ASAP2: variants seen among roughly 807,000 people sequenced by gnomAD.
ASAP2 encodes ArfGAP with SH3 domain, ankyrin repeat and PH domain 2.
In ASAP2, 45 loss-of-function variants were observed where a neutral mutation model predicts 131.4. The observed-to-expected ratio is 0.34, with a 90% CI of 0.27 to 0.44. ASAP2 has a LOEUF of 0.44. Among genes scored for constraint, ASAP2 ranks in the 20% least tolerant of loss-of-function variants. The pLI, the probability that ASAP2 is intolerant of heterozygous loss-of-function variation, is 1.00. For synonymous variants in ASAP2, 510 were observed against 503.0 expected (o/e 1.01, Z -0.19); for missense variants, 1,011 against 1,297.0 (o/e 0.78, Z 3.39).
chr2:9,249,202 A>G (rs142607335), intron 1 of ASAP2, among the ~76,000 whole-genome samples: 2,145 of 152,268 alleles, frequency 0.014, 46 homozygotes, highest in African/African-American at 0.05. Flanking sequence ...TCAGACAGCA[A>G]TGGCCTCATG....
At chr2:9,247,180 C>T (rs898157131) in intron 1 of ASAP2, among the ~76,000 whole-genome samples, 2 of 152,184 alleles carry the variant, frequency 1.3e-5, no homozygotes, top group Non-Finnish European at 2.9e-5. Context: ...TTCTTCCTGA[C>T]AGCAGTCTGT....
chr2:9,264,321 C>G (rs1432575176), intron 1 of ASAP2, among the ~76,000 whole-genome samples: 3 of 152,186 alleles, frequency 2.0e-5, no homozygotes, highest in Non-Finnish European at 4.4e-5. Context: ...TTTGCTTCTG[C>G]AGGCATGTCT....
chr2:9,267,068 T>G lies in ASAP2; in HGVS notation c.127-12249T>G, dbSNP rs190541080. Among the ~76,000 whole-genome samples the G allele has an allele frequency of 3.9e-3, 587 of 152,342 alleles. 6 individuals are homozygous for G. Among genetic ancestry groups the G allele is most frequent in the African/African-American group, 0.013 (557 of 41,564 alleles). On this transcript the variant is annotated intron_variant, in intron 1 of 27. Coordinates refer to ENST00000281419, the MANE Select transcript of ASAP2 (RefSeq NM_003887.3). ...CTTTTCTTTAAAAGATGCTTTAATT[T>G]TACTTGTATTCTTAATAATATATCT...
intron 4 of ASAP2, among the ~76,000 whole-genome samples, chr2:9,319,467 C>T (rs145694494): frequency 7.2e-5 from 11 of 152,282 alleles, no homozygotes; most frequent in Admixed American, 3.3e-4. Flanking sequence ...AACAGGTCAG[C>T]GGAGTTAGCC....
intron 9 of ASAP2, 87 bp downstream of exon 9, chr2:9,335,266 A>C (rs898456115): frequency 3.5e-6 from 4 of 1,158,204 alleles, no homozygotes; most frequent in Non-Finnish European, 3.9e-6. Context: ...CATGTCTTCT[A>C]GGAGCTCACA....
rs546467589 is a variant in ASAP2, at chr2:9,265,819, C to G, written c.127-13498C>G. ...CGGAGTTTCACTCTTGTTGCCAAAG[C>G]TGGAGTGCAATGGCACGATCTTGAC... On this transcript the variant is annotated intron_variant, in intron 1 of 27. Transcript: ENST00000281419. Among the ~76,000 whole-genome samples, 61 of 152,300 alleles carry G rather than the reference C, an allele frequency of 4.0e-4. 1 individual carries two copies. The highest frequency in any genetic ancestry group is 2.5e-3 in the South Asian group (12 of 4,828).
At chr2:9,302,560 C>T (rs566069563) in intron 3 of ASAP2, among the ~76,000 whole-genome samples, 1 of 150,872 alleles carries the variant, frequency 6.6e-6, no homozygotes, top group African/African-American at 2.4e-5. Flanking sequence ...CTGCAGCCTC[C>T]GCCTCCCGGG....
At chr2:9,385,202 G>A (rs754311803) in intron 20 of ASAP2, 43 bp from the exon 21 acceptor site, 8 of 1,470,712 alleles carry the variant, frequency 5.4e-6, no homozygotes, top group Admixed American at 3.4e-5. Flanking sequence ...ATGCATGGCC[G>A]AGTGTATGAG....
intron 1 of ASAP2, among the ~76,000 whole-genome samples, chr2:9,260,924 G>A (rs771231424): frequency 1.3e-5 from 2 of 152,200 alleles, no homozygotes; most frequent in Non-Finnish European, 2.9e-5. Context: ...TCTGAAACAA[G>A]GAATTGGTTA....
chr2:9,335,935 C>T (rs2148568103), intron 9 of ASAP2: 1 of 152,090 alleles, frequency 6.6e-6, no homozygotes, highest in Middle Eastern at 3.4e-3. Flanking sequence ...CATAAAGTTC[C>T]CTGTTGGCAG....
At chr2:9,258,332 GTTGT>G (rs747413657) in intron 1 of ASAP2, among the ~76,000 whole-genome samples, 4 of 112,528 alleles carry the variant, frequency 3.6e-5, no homozygotes, top group African/African-American at 1.1e-4. Context: ...GTAATCAGTA[GTTGT>G]TTTTTTTTTT....
At chr2:9,248,213 G>A (rs1260408681) in intron 1 of ASAP2, among the ~76,000 whole-genome samples, 1 of 152,222 alleles carries the variant, frequency 6.6e-6, no homozygotes, top group African/African-American at 2.4e-5. Flanking sequence ...AACCACGGAG[G>A]CCACGCAGGC....
Position 9,296,770 on chromosome 2 carries a change from A to T in ASAP2, c.200-530A>T, listed in dbSNP as rs187971238. Among the ~76,000 whole-genome samples, 621 of 152,302 alleles carry T rather than the reference A, an allele frequency of 4.1e-3. 3 individuals are homozygous for T. The highest frequency in any genetic ancestry group is 0.014 in the African/African-American group (601 of 41,556). The stretch of plus-strand genomic sequence containing the variant: ...CCTGGAGGAAGCATGAGTCTGTAGG[A>T]TGCAGAGGAGTTTGGGAGGGAAGGG... On this transcript the variant is annotated intron_variant, in intron 2 of 27. Coordinates refer to ENST00000281419, the MANE Select transcript of ASAP2 (RefSeq NM_003887.3).
At chr2:9,360,363 A>G (rs952607636) in intron 15 of ASAP2, among the ~76,000 whole-genome samples, 1 of 152,200 alleles carries the variant, frequency 6.6e-6, no homozygotes, top group Non-Finnish European at 1.5e-5. Context: ...GCCTAGGGTT[A>G]TGAAGCTTTT....
In ASAP2 at chr2:9,401,365, T is replaced by C; in HGVS notation, c.2915T>C (p.Ile972Thr). Reference protein sequence around the residue: ...ELTFSEGDVIIVDGEEDQEWW... With the variant: ...ELTFSEGDVITVDGEEDQEWW... Reference sequence around the variant, plus strand: ...ACCTTCTCCGAGGGGGATGTGATCATCGTGGACGGGGAGGAGGACCAGGAG... The same window carrying C: ...ACCTTCTCCGAGGGGGATGTGATCACCGTGGACGGGGAGGAGGACCAGGAG... The change falls in exon 27 of 28, where the codon ATC (isoleucine) becomes ACC (threonine). Residue 972 changes from isoleucine to threonine, a missense_variant. By Grantham distance (89) the Ile-to-Thr change is moderately conservative (BLOSUM62 -1). Coordinates refer to ENST00000281419, the MANE Select transcript of ASAP2 (RefSeq NM_003887.3). 6.2e-7 allele frequency: 1 copy of C among 1,613,510 alleles called. No individual in the cohort carries two copies. Among genetic ancestry groups the C allele is most frequent in the African/African-American group, 1.3e-5 (1 of 75,006 alleles).
chr2:9,391,573 TTTC>T (rs1675723433), intron 23 of ASAP2, among the ~76,000 whole-genome samples: 1 of 149,934 alleles, frequency 6.7e-6, no homozygotes, highest in Admixed American at 6.6e-5. Flanking sequence ...TTCTTTTCTT[TTTC>T]TTTTTTTTTT....
At chr2:9,297,008 G>A (rs1353641241) in intron 2 of ASAP2, among the ~76,000 whole-genome samples, 1 of 152,178 alleles carries the variant, frequency 6.6e-6, no homozygotes, top group Non-Finnish European at 1.5e-5. Flanking sequence ...AAGAGTCCTC[G>A]GAGAGGTGGA....
intron 1 of ASAP2, among the ~76,000 whole-genome samples, chr2:9,244,057 T>A (rs772768060): frequency 6.6e-6 from 1 of 152,132 alleles, no homozygotes; most frequent in African/African-American, 2.4e-5. Flanking sequence ...CCCAGCACTT[T>A]GGGAGGCCGA....
intron 1 of ASAP2, among the ~76,000 whole-genome samples, chr2:9,228,302 A>C (rs1662920721): frequency 6.6e-6 from 1 of 152,208 alleles, no homozygotes; most frequent in African/African-American, 2.4e-5. Flanking sequence ...TGTCATGGTG[A>C]GTATTCCAGT....
Sources: gnomAD v4.1 joint callset for allele counts (sites outside exome capture counted in the v4.1 genomes callset) on GRCh38, gnomAD v4.1.1 for gene constraint, MANE v1.5 for transcripts, NCBI Gene and HGNC (gene_info 2026-07-23, HGNC 2026-07-21) for gene names.